ZBTB7C: variants seen among roughly 807,000 people sequenced by gnomAD.
ZBTB7C encodes zinc finger and BTB domain containing 7C.
A neutral mutation model predicts 25.7 loss-of-function variants in ZBTB7C; 8 were observed. That is an observed-to-expected ratio of 0.31 (90% CI 0.18 to 0.56). ZBTB7C has a LOEUF of 0.56. ZBTB7C is among the 20% of genes least tolerant of loss of function. ZBTB7C has a pLI of 0.91. For missense variants in ZBTB7C, 824 were observed against 855.2 expected (o/e 0.96, Z 0.46); for synonymous variants, 394 against 369.0 (o/e 1.07, Z -0.78).
intron 1 of ZBTB7C, among the ~76,000 whole-genome samples, chr18:48,358,773 G>A (rs1026386564): frequency 1.3e-5 from 2 of 152,184 alleles, no homozygotes; most frequent in African/African-American, 4.8e-5. Context: ...TAAAATTAGA[G>A]AGTGGTGACA....
At position 48,318,181 on chromosome 18, in the gene ZBTB7C, C is replaced by T. The variant is rs529197103; in HGVS notation, c.-79+19993G>A. ...CTCTGCCACCCCCTATTGATGACAG[C>T]AGAACATGTCCCTTGCAAAAAACAA... On this transcript the variant is annotated intron_variant, in intron 2 of 4. Coordinates refer to ENST00000590800, the MANE Select transcript of ZBTB7C (RefSeq NM_001318841.2). Among the ~76,000 whole-genome samples, 19 of 152,040 alleles carry T rather than the reference C, an allele frequency of 1.2e-4. 1 individual carries two copies. In the South Asian group the frequency reaches 3.5e-3, roughly 28 times the overall value.
intron 2 of ZBTB7C, among the ~76,000 whole-genome samples, chr18:48,227,959 A>G (rs1044866519): frequency 6.6e-6 from 1 of 152,132 alleles, no homozygotes; most frequent in African/African-American, 2.4e-5. Context: ...GAAAAGTCCA[A>G]TGCAGGTGTT....
rs114513471 is a variant in ZBTB7C at position 48,305,489 on chromosome 18, C to A, written c.-79+32685G>T. Among the ~76,000 whole-genome samples, 1,263 of 152,282 alleles carry A rather than the reference C, an allele frequency of 8.3e-3. 13 individuals carry two copies. The highest frequency in any genetic ancestry group is 0.028 in the African/African-American group (1,157 of 41,550). On this transcript the variant is annotated intron_variant, in intron 2 of 4. Coordinates refer to ENST00000590800, the MANE Select transcript of ZBTB7C (RefSeq NM_001318841.2). ...CAAACTATGCATAATCACTGAATAT[C>A]TGCTGAGCATCTACCAAGTGCCCAG...
chr18:48,128,135 C>A (rs919723525), intron 3 of ZBTB7C, among the ~76,000 whole-genome samples: 5 of 152,234 alleles, frequency 3.3e-5, no homozygotes, highest in African/African-American at 1.2e-4. Context: ...TCTGGGCTGT[C>A]CAGTTCAGCT....
At chr18:48,186,122 C>T (rs1298083133) in intron 2 of ZBTB7C, 127 bp from the exon 3 acceptor site, 1 of 152,556 alleles carries the variant, frequency 6.6e-6, no homozygotes, top group African/African-American at 2.4e-5. Context: ...ACTCTCCCCT[C>T]CCCAGGCACA....
chr18:48,100,318 GC>G (rs774065319), intron 3 of ZBTB7C, among the ~76,000 whole-genome samples: 30 of 152,324 alleles, frequency 2.0e-4, no homozygotes, highest in Non-Finnish European at 4.1e-4. Flanking sequence ...CAAAAGTTAA[GC>G]CCCTCGGTGA....
At chr18:48,398,819 G>A (rs747803152) in intron 1 of ZBTB7C, among the ~76,000 whole-genome samples, 6 of 152,062 alleles carry the variant, frequency 3.9e-5, no homozygotes, top group Non-Finnish European at 8.8e-5. Context: ...TACATGATTC[G>A]TTTTCTAAGA....
In ZBTB7C at chr18:48,216,446, T is replaced by C. The variant is rs186730032; in HGVS notation, c.-78-30451A>G. Among the ~76,000 whole-genome samples the C allele has an allele frequency of 1.1e-4, 17 of 152,064 alleles. No individual in the cohort carries two copies. In the East Asian group the frequency reaches 2.9e-3, roughly 26 times the overall value. ...AACCTTGCAGAATCACGAGGCAAAA[T>C]GGGCAGCGAGGGCAACCCAGTTGCT... On this transcript the variant is annotated intron_variant, in intron 2 of 4. Coordinates refer to ENST00000590800, the MANE Select transcript of ZBTB7C (RefSeq NM_001318841.2).
chr18:48,407,676 C>T (rs1599062597), intron 1 of ZBTB7C, among the ~76,000 whole-genome samples: 2 of 152,328 alleles, frequency 1.3e-5, no homozygotes, highest in South Asian at 2.1e-4. Context: ...AAAATGAGTG[C>T]TCCTAATATC....
chr18:48,137,063 G>A (rs2040194044), intron 3 of ZBTB7C: 21 of 985,404 alleles, frequency 2.1e-5, no homozygotes, highest in Non-Finnish European at 2.5e-5. Context: ...GCGCCGCCAG[G>A]GTCCCGGGCT....
At chr18:48,042,419 C>T (rs548749527) in intron 3 of ZBTB7C, among the ~76,000 whole-genome samples, 1 of 152,246 alleles carries the variant, frequency 6.6e-6, no homozygotes, top group African/African-American at 2.4e-5. Context: ...TATCTTGGTA[C>T]AAATAAAGTG....
At chr18:48,141,961 G>A (rs7231158) in intron 3 of ZBTB7C, among the ~76,000 whole-genome samples, 3,123 of 152,272 alleles carry the variant, frequency 0.021, 113 homozygotes, top group African/African-American at 0.072. Context: ...TGTATTAAAT[G>A]CCAATTTGAA....
intron 2 of ZBTB7C, among the ~76,000 whole-genome samples, chr18:48,244,562 C>G (rs1236589952): frequency 6.6e-6 from 1 of 152,044 alleles, no homozygotes; most frequent in Non-Finnish European, 1.5e-5. Context: ...GACTACTATC[C>G]AGAATCTACA....
chr18:48,234,444 C>T (rs1343144184), intron 2 of ZBTB7C, among the ~76,000 whole-genome samples: 6 of 152,126 alleles, frequency 3.9e-5, no homozygotes, highest in Non-Finnish European at 8.8e-5. Context: ...GAAGAAGAAA[C>T]TTCTGTTACT....
intron 3 of ZBTB7C, among the ~76,000 whole-genome samples, chr18:48,048,347 C>T (rs1223179207): frequency 6.6e-6 from 1 of 152,162 alleles, no homozygotes; most frequent in Non-Finnish European, 1.5e-5. Context: ...AGCTTTAAAT[C>T]CCTTCTGAAA....
At chr18:48,069,609 C>A (rs1223509947) in intron 3 of ZBTB7C, among the ~76,000 whole-genome samples, 1 of 152,082 alleles carries the variant, frequency 6.6e-6, no homozygotes, top group African/African-American at 2.4e-5. Flanking sequence ...CCCCTCTATC[C>A]TCTCCCACCC....
chr18:48,114,680 C>A (rs2039364095), intron 3 of ZBTB7C, among the ~76,000 whole-genome samples: 1 of 151,992 alleles, frequency 6.6e-6, no homozygotes, highest in Non-Finnish European at 1.5e-5. Context: ...ATATTACTGA[C>A]CCCAAAAATG....
At chr18:48,362,104 C>T (rs1266613853) in intron 1 of ZBTB7C, among the ~76,000 whole-genome samples, 1 of 152,206 alleles carries the variant, frequency 6.6e-6, no homozygotes, top group East Asian at 1.9e-4. Context: ...ACTCCAGCCC[C>T]AAGTGTGGCC....
intron 2 of ZBTB7C, among the ~76,000 whole-genome samples, chr18:48,212,137 T>C (rs2042716046): frequency 6.6e-6 from 1 of 152,170 alleles, no homozygotes; most frequent in Non-Finnish European, 1.5e-5. Flanking sequence ...GGAGGATCAC[T>C]AGAGCCCAGG....
Sources: gnomAD v4.1 joint callset for allele counts (sites outside exome capture counted in the v4.1 genomes callset) on GRCh38, gnomAD v4.1.1 for gene constraint, MANE v1.5 for transcripts, NCBI Gene and HGNC (gene_info 2026-07-23, HGNC 2026-07-21) for gene names.